FGGY: variants seen among roughly 807,000 people sequenced by gnomAD.
The protein encoded by FGGY is FGGY carbohydrate kinase domain containing.
FGGY carries 72 observed loss-of-function variants against 71.3 expected under a neutral mutation model. The observed-to-expected ratio is 1.01, with a 90% CI of 0.84 to 1.23. The LOEUF is 1.23. Ranked by LOEUF, FGGY falls within the 50% of genes most tolerant of loss-of-function variation. The pLI is 0.00. For missense variants in FGGY, 668 were observed against 682.3 expected, an observed-to-expected ratio of 0.98 and a Z score of 0.23; for synonymous variants, 251 against 250.3, an observed-to-expected ratio of 1.00 and a Z score of -0.02.
At chr1:59,352,189 G>T (rs2153224630) in intron 4 of FGGY, among the ~76,000 whole-genome samples, 1 of 152,278 alleles carries the variant, frequency 6.6e-6, no homozygotes, top group East Asian at 1.9e-4. Context: ...AGCAGCTGGG[G>T]TCTCCTATCT....
At chr1:59,693,897 C>T (rs1246328741) in intron 14 of FGGY, among the ~76,000 whole-genome samples, 2 of 152,094 alleles carry the variant, frequency 1.3e-5, no homozygotes, top group African/African-American at 4.8e-5. Flanking sequence ...GTCTCAGCTA[C>T]TCGGGAGGCT....
At chr1:59,537,741 T>TG (rs1206392476) in intron 7 of FGGY, among the ~76,000 whole-genome samples, 4 of 151,890 alleles carry the variant, frequency 2.6e-5, no homozygotes, top group African/African-American at 9.7e-5. Context: ...AAACAAGCAA[T>TG]GGGGAAAGGA....
At chr1:59,651,555 T>A (rs1193159181) in intron 11 of FGGY, among the ~76,000 whole-genome samples, 2 of 147,320 alleles carry the variant, frequency 1.4e-5, no homozygotes, top group Non-Finnish European at 3.0e-5. Flanking sequence ...GTCTGTTTTA[T>A]CAGAGACTAG....
chr1:59,303,362 G>A (rs1345606963), intron 1 of FGGY, among the ~76,000 whole-genome samples: 3 of 152,064 alleles, frequency 2.0e-5, no homozygotes, highest in Non-Finnish European at 2.9e-5. Flanking sequence ...TGCAGTGTTT[G>A]TCTTTCTGTT....
intron 12 of FGGY, chr1:59,660,571 A>G (rs2097265325): frequency 6.8e-6 from 2 of 293,502 alleles, no homozygotes; most frequent in South Asian, 1.9e-4. Context: ...TTAATTAAAT[A>G]GAAGCAAGCA....
intron 2 of FGGY, among the ~76,000 whole-genome samples, chr1:59,326,341 A>G (rs2047429287): frequency 6.6e-6 from 1 of 152,266 alleles, no homozygotes. Context: ...GGTGCTATCT[A>G]TATGAGTAGT....
At position 59,429,118 on chromosome 1, in the gene FGGY, C is replaced by A. The variant is rs561775709; in HGVS notation, c.555-27843C>A. 3.9e-5 allele frequency among the ~76,000 whole-genome samples: 6 copies of A among 152,278 alleles called. No homozygotes were observed. In the South Asian group the frequency reaches 1.2e-3, roughly 32 times the overall value. On this transcript the variant is annotated intron_variant, in intron 5 of 15. Transcript: ENST00000303721. ...ACTTTCACGCAAATGAAGTACAAGA[C>A]AATCACATGTATGGCTGCACTGAAT...
intron 7 of FGGY, among the ~76,000 whole-genome samples, chr1:59,523,315 C>T (rs2094887598): frequency 6.6e-6 from 1 of 152,218 alleles, no homozygotes; most frequent in Admixed American, 6.5e-5. Flanking sequence ...TGTTTCTAAG[C>T]ACTAATGTTT....
intron 11 of FGGY, chr1:59,641,429 G>T: frequency 8.4e-7 from 1 of 1,196,712 alleles, no homozygotes; most frequent in South Asian, 1.3e-5. Flanking sequence ...GCAGGCCTGT[G>T]CTAAACCCAG....
intron 6 of FGGY, among the ~76,000 whole-genome samples, chr1:59,490,907 T>G (rs2093810365): frequency 6.6e-6 from 1 of 152,032 alleles, no homozygotes; most frequent in Admixed American, 6.6e-5. Flanking sequence ...GCCAATACTG[T>G]GCTGTTACTG....
At chr1:59,437,507 A>C (rs1449436374) in intron 5 of FGGY, among the ~76,000 whole-genome samples, 1 of 152,236 alleles carries the variant, frequency 6.6e-6, no homozygotes, top group East Asian at 1.9e-4. Context: ...GTAGGGGCTG[A>C]AAATGTATTT....
chr1:59,408,092 G>A (rs568366452), intron 5 of FGGY, among the ~76,000 whole-genome samples: 10 of 152,306 alleles, frequency 6.6e-5, no homozygotes, highest in African/African-American at 2.4e-4. Context: ...AGGCCATGTG[G>A]TGTCATGATG....
intron 15 of FGGY, among the ~76,000 whole-genome samples, chr1:59,759,272 T>A (rs1007929030): frequency 2.0e-5 from 3 of 152,112 alleles, no homozygotes; most frequent in African/African-American, 7.2e-5. Flanking sequence ...TAACTCCACA[T>A]AGAGTCAGGC....
In FGGY at chr1:59,588,138, G is replaced by A. The variant is rs552318297; in HGVS notation, c.904-19665G>A. Among the ~76,000 whole-genome samples the A allele has an allele frequency of 9.0e-4, 137 of 152,328 alleles. 3 individuals carry two copies. The East Asian group carries it at 0.018, about 21-fold the overall frequency. The stretch of plus-strand genomic sequence containing the variant: ...CTGAAAGCCAAGGCTCGAGAACTAC[G>A]TGAAGAATGCAGAAGCCTCAGGAGC... On this transcript the variant is annotated intron_variant, in intron 8 of 15. Coordinates refer to ENST00000303721, the MANE Select transcript of FGGY (RefSeq NM_018291.5).
At chr1:59,457,228 T>C in intron 6 of FGGY, 152 bp downstream of exon 6, 1 of 616,296 alleles carries the variant, frequency 1.6e-6, no homozygotes, top group Non-Finnish European at 2.9e-6. Flanking sequence ...TTAATTATGA[T>C]GGGTAGGCCA....
chr1:59,476,012 C>T (rs369026229), intron 6 of FGGY, among the ~76,000 whole-genome samples: 1 of 152,214 alleles, frequency 6.6e-6, no homozygotes, highest in African/African-American at 2.4e-5. Flanking sequence ...CATGCCCCCA[C>T]GTAGTCACCA....
chr1:59,644,963 G>C (rs1211503660), intron 11 of FGGY, among the ~76,000 whole-genome samples: 1 of 149,228 alleles, frequency 6.7e-6, no homozygotes, highest in Non-Finnish European at 1.5e-5. Context: ...GCAAGACAGC[G>C]AGGCTCCATC....
chr1:59,577,912 T>C (rs1193422182), intron 8 of FGGY, among the ~76,000 whole-genome samples: 2 of 152,116 alleles, frequency 1.3e-5, no homozygotes, highest in Non-Finnish European at 1.5e-5. Context: ...ATACACACTC[T>C]CTGTTTCAGC....
chr1:59,674,174 T>G (rs750290095), intron 14 of FGGY, 41 bp downstream of exon 14: 12 of 1,460,364 alleles, frequency 8.2e-6, no homozygotes, highest in African/African-American at 1.4e-5. Context: ...TCCTCCCCTG[T>G]CTGAGGCCAT....
Sources: allele counts gnomAD v4.1 joint callset (sites outside exome capture counted in the v4.1 genomes callset), GRCh38; gene constraint gnomAD v4.1.1; transcripts MANE v1.5; gene names NCBI Gene and HGNC (gene_info 2026-07-23, HGNC 2026-07-21).